The following PIGK variants were observed in gnomAD, a reference collection of about 807,000 sequenced individuals.
The protein encoded by PIGK is GPI-anchor transamidase.
A neutral mutation model predicts 50.6 loss-of-function variants in PIGK; 42 were observed. The observed-to-expected ratio is 0.83, with a 90% confidence interval of 0.65 to 1.07. PIGK has a LOEUF of 1.07. Ranked by LOEUF, PIGK falls within the 50% of genes least tolerant of loss-of-function variation. The pLI is 0.00. For missense variants in PIGK, 448 were observed against 488.7 expected (o/e 0.92, Z 0.78); for synonymous variants, 151 against 156.0 (o/e 0.97, Z 0.24).
chr1:77,217,440 T>A (rs1656594540), intron 1 of PIGK, among the ~76,000 whole-genome samples: 2 of 152,020 alleles, frequency 1.3e-5, no homozygotes, highest in Admixed American at 6.6e-5. Flanking sequence ...TAACTAGAAG[T>A]TTGAAAGAGA....
At chr1:77,218,565 G>T (rs1301210654) in intron 1 of PIGK, among the ~76,000 whole-genome samples, 4 of 152,138 alleles carry the variant, frequency 2.6e-5, no homozygotes, top group Non-Finnish European at 5.9e-5. Context: ...TTTTTAAGAG[G>T]AGGTAGGATA....
chr1:77,218,877 C>G (rs1656651358), intron 1 of PIGK, among the ~76,000 whole-genome samples: 1 of 152,108 alleles, frequency 6.6e-6, no homozygotes, highest in African/African-American at 2.4e-5. Flanking sequence ...TTAATAAACA[C>G]TTATATTTAT....
At chr1:77,215,807 G>A (rs1213173609) in intron 1 of PIGK, among the ~76,000 whole-genome samples, 1 of 152,152 alleles carries the variant, frequency 6.6e-6, no homozygotes, top group Non-Finnish European at 1.5e-5. Flanking sequence ...GAACCTGGAG[G>A]AAATTACATT....
intron 1 of PIGK, among the ~76,000 whole-genome samples, chr1:77,219,081 T>A (rs1357008471): frequency 6.6e-6 from 1 of 152,300 alleles, no homozygotes; most frequent in African/African-American, 2.4e-5. Flanking sequence ...GAGCAAAGGA[T>A]CAGGTCCTCC....
chr1:77,197,684 A>C (rs926970547), intron 3 of PIGK, among the ~76,000 whole-genome samples: 1 of 152,172 alleles, frequency 6.6e-6, no homozygotes, highest in African/African-American at 2.4e-5. Context: ...AGCAAGGCTA[A>C]ACTTTGTGGT....
rs529379486 is a variant in PIGK at position 77,129,049 on chromosome 1, C to T, written c.987-6690G>A. On this transcript the variant is annotated intron_variant, in intron 9 of 10. Coordinates refer to ENST00000370812, the MANE Select transcript of PIGK (RefSeq NM_005482.3). ...CAACTGAGACCATATGGCCTATGAC[C>T]TACAAATGCTTTAAATATTTACTAT... 1.1e-5 allele frequency: 9 copies of T among 789,200 alleles called. No homozygotes were observed. In the African/African-American group the frequency reaches 1.2e-4, roughly 10 times the overall value. The allele number at this position is 789,200 out of a possible 1,614,324, so 48.9% of individuals were successfully genotyped here.
At chr1:77,197,233 C>G (rs1409571742) in intron 3 of PIGK, among the ~76,000 whole-genome samples, 1 of 152,066 alleles carries the variant, frequency 6.6e-6, no homozygotes, top group Non-Finnish European at 1.5e-5. Context: ...ATTGTTTCCC[C>G]TCTAAGTATT....
chr1:77,191,731 A>G (rs1224688792), intron 3 of PIGK, among the ~76,000 whole-genome samples: 1 of 152,226 alleles, frequency 6.6e-6, no homozygotes, highest in Admixed American at 6.5e-5. Flanking sequence ...TTTCTTAAAA[A>G]TCTTTTGGCA....
At chr1:77,151,571 A>T (rs567994964) in intron 9 of PIGK, among the ~76,000 whole-genome samples, 83 of 152,338 alleles carry the variant, frequency 5.4e-4, no homozygotes, top group African/African-American at 1.8e-3. Flanking sequence ...TTGTGTGCAG[A>T]CAACATGATC....
At chr1:77,203,020 C>G (rs538923761) in intron 3 of PIGK, among the ~76,000 whole-genome samples, 10 of 152,150 alleles carry the variant, frequency 6.6e-5, no homozygotes, top group Non-Finnish European at 1.5e-4. Flanking sequence ...ATGGAGAACA[C>G]AATTCTAGTG....
intron 10 of PIGK, among the ~76,000 whole-genome samples, chr1:77,112,348 C>T (rs1158753666): frequency 6.6e-6 from 1 of 151,864 alleles, no homozygotes; most frequent in African/African-American, 2.4e-5. Flanking sequence ...TAAACTACTG[C>T]CAAGAATATA....
chr1:77,154,252 T>C, intron 9 of PIGK, 197 bp downstream of exon 9: 1 of 548,700 alleles, frequency 1.8e-6, no homozygotes. Flanking sequence ...ATCCTAACGA[T>C]GATCTTAGTT....
intron 9 of PIGK, among the ~76,000 whole-genome samples, chr1:77,151,138 A>C (rs1654885565): frequency 6.6e-6 from 1 of 152,194 alleles, no homozygotes; most frequent in Admixed American, 6.5e-5. Flanking sequence ...CATTAAAAAA[A>C]GACCATTCCA....
At chr1:77,100,731 T>C (rs1268365431) in intron 10 of PIGK, among the ~76,000 whole-genome samples, 1 of 152,084 alleles carries the variant, frequency 6.6e-6, no homozygotes, top group Non-Finnish European at 1.5e-5. Flanking sequence ...GAGATTGAAG[T>C]TGGAAAGATA....
intron 9 of PIGK, among the ~76,000 whole-genome samples, chr1:77,123,887 G>A (rs1255976136): frequency 2.6e-5 from 4 of 152,068 alleles, no homozygotes; most frequent in African/African-American, 9.7e-5. Context: ...GAACGTGACT[G>A]TATTTGTAGA....
At chr1:77,161,086 A>C (rs1655117615) in intron 8 of PIGK, among the ~76,000 whole-genome samples, 1 of 152,236 alleles carries the variant, frequency 6.6e-6, no homozygotes, top group Non-Finnish European at 1.5e-5. Context: ...TAAGGAAAAG[A>C]AAATGAGTAA....
intron 3 of PIGK, chr1:77,195,037 A>G: frequency 1.2e-6 from 1 of 830,208 alleles, no homozygotes; most frequent in South Asian, 1.3e-5. Flanking sequence ...GAATAACCTG[A>G]ATCTGCTCAG....
intron 1 of PIGK, among the ~76,000 whole-genome samples, chr1:77,217,312 C>G (rs910686183): frequency 2.0e-5 from 3 of 152,122 alleles, no homozygotes; most frequent in African/African-American, 7.2e-5. Flanking sequence ...AAAGAAGTGA[C>G]TGTTGGGTTA....
At chr1:77,194,887 C>T (rs1290057798) in intron 3 of PIGK, 5 of 459,028 alleles carry the variant, frequency 1.1e-5, no homozygotes, top group South Asian at 1.8e-5. Context: ...CCTGATATTT[C>T]GGACAGGGAA....
Sources: allele counts gnomAD v4.1 joint callset (sites outside exome capture counted in the v4.1 genomes callset), GRCh38; gene constraint gnomAD v4.1.1; transcripts MANE v1.5; gene names NCBI Gene and HGNC (gene_info 2026-07-23, HGNC 2026-07-21).